DTD2: variants seen among roughly 807,000 people sequenced by gnomAD.
DTD2 encodes the protein D-tyrosyl-tRNA deacylase 2 (putative).
A neutral mutation model predicts 15.5 loss-of-function variants in DTD2; 12 were observed. The observed-to-expected ratio is 0.77, with a 90% CI of 0.50 to 1.25. DTD2 has a LOEUF of 1.25. DTD2 is among the 50% of genes most tolerant of loss of function. The pLI is 0.00. For missense variants in DTD2, 170 were observed against 201.1 expected, an observed-to-expected ratio of 0.85 and a Z score of 0.93; for synonymous variants, 59 against 77.3, an observed-to-expected ratio of 0.76 and a Z score of 1.24.
At position 31,448,313 on chromosome 14, in the gene DTD2, G is replaced by A; in HGVS notation, c.323C>T (p.Ser108Phe). The stretch of plus-strand genomic sequence containing the variant: ...AAACCCTTCTTCTTTTCCAGAGTTA[G>A]AGTGATATTGCATGTTTCTTCCTTT... ...RLKGRNMQYH[S>F]NSGKEEGFEL... The change falls in exon 3 of 3, where the codon TCT becomes TTT. Residue 108 changes from serine (S) to phenylalanine (F), a missense_variant. Transcript: ENST00000310850. 1 of 1,614,156 alleles carries A rather than the reference G, an allele frequency of 6.2e-7. No homozygotes were observed. The highest frequency in any genetic ancestry group is 8.5e-7 in the Non-Finnish European group (1 of 1,180,030).
Position 31,446,769 on chromosome 14 carries a change from A to G in DTD2, c.*1360T>C, listed in dbSNP as rs962213984. On this transcript the variant is annotated 3_prime_UTR_variant, in exon 3 of 3. Coordinates refer to ENST00000310850, the MANE Select transcript of DTD2 (RefSeq NM_080664.3). ...TAACAGAAAAATTGACACTGGCTCC[A>G]TATCATCAAGCAGATAATATGGAAA... 1 of 152,250 alleles carries G rather than the reference A, an allele frequency of 6.6e-6. No individual in the cohort carries two copies. The highest frequency in any genetic ancestry group is 2.4e-5 in the African/African-American group (1 of 41,468). The allele number at this position is 152,250 out of a possible 1,614,324, so 9.4% of individuals were successfully genotyped here.
chr14:31,457,367 C>T lies in DTD2; in HGVS notation c.27G>A (p.Gln9=), dbSNP rs1487096346. The change falls in exon 1 of 3, where the codon CAG becomes CAA. Residue 9 remains glutamine, a synonymous_variant. Coordinates refer to ENST00000310850, the MANE Select transcript of DTD2 (RefSeq NM_080664.3). MAEGSRIP[Q]ARALLQQCLH... ...GGCACTGCTGTAGGAGCGCCCGGGC[C>T]TGAGGAATCCGGCTACCCTCAGCCA... The T allele has an allele frequency of 5.1e-6, 8 of 1,571,538 alleles. No individual in the cohort carries two copies. The highest frequency in any genetic ancestry group is 1.8e-5 in the Admixed American group (1 of 54,304).
chr14:31,452,972 C>A, intron 2 of DTD2: 1 of 179,982 alleles, frequency 5.6e-6, no homozygotes, highest in East Asian at 1.3e-4. Context: ...GGGTCTCACT[C>A]TGTTGCCCAG....
intron 2 of DTD2, chr14:31,452,256 A>G (rs887878032): frequency 2.6e-5 from 4 of 152,206 alleles, no homozygotes; most frequent in Non-Finnish European, 4.4e-5. Context: ...TGAGACCCAC[A>G]TCTTGTATAT....
At chr14:31,449,114 C>T (rs985656811) in intron 2 of DTD2, among the ~76,000 whole-genome samples, 9 of 152,164 alleles carry the variant, frequency 5.9e-5, no homozygotes, top group Non-Finnish European at 1.2e-4. Flanking sequence ...AGGGTGGTCT[C>T]GATCTCCTGA....
At chr14:31,453,138 T>C (rs1345368494) in intron 2 of DTD2, 137 bp downstream of exon 2, 15 of 720,860 alleles carry the variant, frequency 2.1e-5, no homozygotes, top group Non-Finnish European at 3.3e-5. Context: ...GAGGTCTTAC[T>C]ATGTTGCCCA....
chr14:31,446,593 G>C lies in DTD2; in HGVS notation c.*1536C>G, dbSNP rs1682382090. The C allele has an allele frequency of 6.6e-6, 1 of 152,196 alleles. No homozygotes were observed. Among genetic ancestry groups the C allele is most frequent in the Non-Finnish European group, 1.5e-5 (1 of 68,052 alleles). 9.4% of individuals were successfully genotyped at this position (152,196 alleles called of 1,614,324 possible). On this transcript the variant is annotated 3_prime_UTR_variant, in exon 3 of 3. Coordinates refer to ENST00000310850, the MANE Select transcript of DTD2 (RefSeq NM_080664.3). ...TTAGAAGTTCAAACTCAAGGTGTCA[G>C]CATGGTCTGTTTCTGGAGACTACTT...
chr14:31,447,152 T>C lies in DTD2; in HGVS notation c.*977A>G, dbSNP rs1002377378. 6.6e-6 allele frequency: 1 copy of C among 152,154 alleles called. No individual in the cohort carries two copies. The highest frequency in any genetic ancestry group is 6.5e-5 in the Admixed American group (1 of 15,268). The allele number at this position is 152,154 out of a possible 1,614,324, so 9.4% of individuals were successfully genotyped here. A position where few individuals can be genotyped will look rare whatever the true frequency, so the allele number is the denominator to read the frequency against. ...TCTATATTACATATATATCTATATG[T>C]ATATGTATATGTTAGAGACTGGGTC... On this transcript the variant is annotated 3_prime_UTR_variant, in exon 3 of 3. Coordinates refer to ENST00000310850, the MANE Select transcript of DTD2 (RefSeq NM_080664.3).
chr14:31,451,350 A>G (rs1035076232), intron 2 of DTD2, among the ~76,000 whole-genome samples: 4 of 151,646 alleles, frequency 2.6e-5, no homozygotes, highest in South Asian at 2.1e-4. Context: ...GGGTTTCACC[A>G]TGTTAGCCAG....
At chr14:31,451,339 G>A (rs964521983) in intron 2 of DTD2, among the ~76,000 whole-genome samples, 2 of 151,744 alleles carry the variant, frequency 1.3e-5, no homozygotes, top group African/African-American at 4.8e-5. Flanking sequence ...TAGTAGAGAC[G>A]GGGTTTCACC....
chr14:31,450,584 A>C (rs957131533), intron 2 of DTD2, among the ~76,000 whole-genome samples: 3 of 152,230 alleles, frequency 2.0e-5, no homozygotes, highest in African/African-American at 4.8e-5. Flanking sequence ...GAATCCCACC[A>C]CATTGACTTA....
In DTD2 at chr14:31,457,443, G is replaced by C; in HGVS notation, c.-50C>G. 1 of 1,346,248 alleles carries C rather than the reference G, an allele frequency of 7.4e-7. No homozygotes were observed. The highest frequency in any genetic ancestry group is 9.8e-7 in the Non-Finnish European group (1 of 1,022,114). The allele number at this position is 1,346,248 out of a possible 1,614,324, so 83.4% of individuals were successfully genotyped here. A position where few individuals can be genotyped will look rare whatever the true frequency, so the allele number is the denominator to read the frequency against. On this transcript the variant is annotated 5_prime_UTR_variant, in exon 1 of 3. Coordinates refer to ENST00000310850, the MANE Select transcript of DTD2 (RefSeq NM_080664.3). ...ACAGTTACTAGGCCATGTGTCGCTG[G>C]CCCCTCCCTCGACGCGCTGGCGGGG...
At chr14:31,450,884 G>A (rs888216647) in intron 2 of DTD2, among the ~76,000 whole-genome samples, 1 of 152,116 alleles carries the variant, frequency 6.6e-6, no homozygotes, top group African/African-American at 2.4e-5. Context: ...AATAACATGT[G>A]GTTTGGATAT....
Position 31,446,244 on chromosome 14 carries a change from G to A in DTD2, c.*1885C>T, listed in dbSNP as rs2031956515. Reference sequence around the variant, plus strand: ...GAACACAGACCTAAAGAAACTATAAGACACAACGGAAATTTCAGCAGCTAC... The same window carrying A: ...GAACACAGACCTAAAGAAACTATAAAACACAACGGAAATTTCAGCAGCTAC... On this transcript the variant is annotated 3_prime_UTR_variant, in exon 3 of 3. Transcript: ENST00000310850. 6.6e-6 allele frequency: 1 copy of A among 151,942 alleles called. No individual in the cohort carries two copies. The highest frequency in any genetic ancestry group is 2.1e-4 in the South Asian group (1 of 4,818). 9.4% of individuals were successfully genotyped at this position (151,942 alleles called of 1,614,324 possible).
chr14:31,453,315 GCACACGTAGAT>G lies in DTD2; in HGVS notation c.130_140del (p.Ile44LeufsTer6). ...GTTCTTTATCAGCTCCCTTGAAAAA[GCACACGTAGAT>G]CACCAGTCCTCTTTGGACCTATGAG... On this transcript the variant is annotated frameshift_variant, in exon 2 of 3. Coordinates refer to ENST00000310850, the MANE Select transcript of DTD2 (RefSeq NM_080664.3). LOFTEE classifies it high-confidence loss of function. 1 of 1,614,000 alleles carries G rather than the reference GCACACGTAGAT, an allele frequency of 6.2e-7. No homozygotes were observed. Among genetic ancestry groups the G allele is most frequent in the Non-Finnish European group, 8.5e-7 (1 of 1,180,002 alleles).
intron 2 of DTD2, among the ~76,000 whole-genome samples, chr14:31,450,627 T>G (rs1193715493): frequency 1.3e-5 from 2 of 152,316 alleles, no homozygotes; most frequent in African/African-American, 2.4e-5. Context: ...AAGTACAAGC[T>G]AATACTATTA....
chr14:31,453,139 A>G (rs2032056968), intron 2 of DTD2, 136 bp downstream of exon 2: 5 of 727,944 alleles, frequency 6.9e-6, no homozygotes, highest in African/African-American at 3.5e-5. Context: ...AGGTCTTACT[A>G]TGTTGCCCAG....
chr14:31,449,288 C>T (rs965546413), intron 2 of DTD2, among the ~76,000 whole-genome samples: 1 of 152,174 alleles, frequency 6.6e-6, no homozygotes, highest in Non-Finnish European at 1.5e-5. Flanking sequence ...ACAAAGGTTC[C>T]TGTTTCAATC....
At chr14:31,456,999 C>G in intron 1 of DTD2, 2 of 479,630 alleles carry the variant, frequency 4.2e-6, no homozygotes, top group African/African-American at 2.0e-5. Flanking sequence ...ACAGTAAGGC[C>G]TGAAGTTCAC....
Sources: gnomAD v4.1 joint callset for allele counts (sites outside exome capture counted in the v4.1 genomes callset) on GRCh38, gnomAD v4.1.1 for gene constraint, MANE v1.5 for transcripts, NCBI Gene and HGNC (gene_info 2026-07-23, HGNC 2026-07-21) for gene names.